Variants in CSMD1 observed in about 807,000 individuals in gnomAD.
CSMD1 encodes the protein CUB and Sushi multiple domains 1.
A neutral mutation model predicts 417.5 loss-of-function variants in CSMD1; 213 were observed. The ratio of observed to expected loss-of-function variants is 0.51; its 90% CI spans 0.46 to 0.57. The LOEUF (loss-of-function observed/expected upper bound fraction) is 0.57. Among genes scored for constraint, CSMD1 ranks in the 20% least tolerant of loss-of-function variants. The probability of loss-of-function intolerance (pLI) is 0.00; values close to 1 mark genes in which losing one functional copy is unlikely to be tolerated. For missense variants in CSMD1, 6,923 were observed against 4,529.7 expected (o/e 1.53, Z -15.17); for synonymous variants, 2,862 against 1,736.8 (o/e 1.65, Z -16.11).
rs1424609687 is a variant in CSMD1 at position 3,359,192 on chromosome 8, C to G, written c.3264G>C (p.Gly1088=). 4 of 1,613,816 alleles carry G rather than the reference C, an allele frequency of 2.5e-6. No homozygotes were observed. Among genetic ancestry groups the G allele is most frequent in the African/African-American group, 1.3e-5 (1 of 74,872 alleles). Residue 1088 remains glycine (G), a synonymous_variant, in exon 21 of 70, where the codon GGG becomes GGC. Transcript: ENST00000635120. The stretch of plus-strand genomic sequence containing the variant: ...GAGGTGCACTCCACACACGGCGGCC[C>G]CCACCCAGGCAGGTAAGCTTGGTGG... ...EGATKLTCLG[G]GRRVWSAPLP...
At chr8:3,439,310 T>TATA (rs1491240170) in intron 12 of CSMD1, among the ~76,000 whole-genome samples, 359 of 20,054 alleles carry the variant, frequency 0.018, 1 homozygote, top group African/African-American at 0.063. Context: ...TATATATATA[T>TATA]TTTTTTTTTT....
intron 1 of CSMD1, among the ~76,000 whole-genome samples, chr8:4,715,965 A>T (rs1230374068): frequency 6.6e-6 from 1 of 152,196 alleles, no homozygotes; most frequent in Non-Finnish European, 1.5e-5. Flanking sequence ...AATGTGTATC[A>T]GGTCCTGTGA....
chr8:2,955,136 C>G (rs117191435), intron 64 of CSMD1, among the ~76,000 whole-genome samples: 128 of 152,290 alleles, frequency 8.4e-4, no homozygotes, highest in South Asian at 2.9e-3. Context: ...GACACATAAA[C>G]TGAGGTTTTA....
intron 3 of CSMD1, among the ~76,000 whole-genome samples, chr8:4,086,453 ACT>A (rs1257628564): frequency 6.6e-6 from 1 of 152,052 alleles, no homozygotes; most frequent in Non-Finnish European, 1.5e-5. Flanking sequence ...CTATTACTAC[ACT>A]CTAATTCATT....
chr8:4,346,822 C>A (rs1305291594), intron 3 of CSMD1, among the ~76,000 whole-genome samples: 2 of 152,094 alleles, frequency 1.3e-5, no homozygotes, highest in East Asian at 3.9e-4. Context: ...TGTAGAAATC[C>A]AAGGGGATTG....
intron 5 of CSMD1, among the ~76,000 whole-genome samples, chr8:3,936,900 T>C (rs533644263): frequency 6.6e-6 from 1 of 152,278 alleles, no homozygotes; most frequent in Non-Finnish European, 1.5e-5. Flanking sequence ...GAATTCCCCA[T>C]TCCAATGATA....
chr8:3,681,195 T>C (rs892478523), intron 7 of CSMD1, among the ~76,000 whole-genome samples: 7 of 152,202 alleles, frequency 4.6e-5, no homozygotes, highest in South Asian at 4.2e-4. Flanking sequence ...CCAGGGCAAT[T>C]AGGCAGGAGA....
chr8:3,591,704 T>C (rs7838302), intron 8 of CSMD1, among the ~76,000 whole-genome samples: 58,113 of 151,936 alleles, frequency 0.38, 12,613 homozygotes, highest in African/African-American at 0.58. Flanking sequence ...GATTGATAGA[T>C]AGATAGATGA....
At chr8:4,694,855 T>C (rs78418611) in intron 1 of CSMD1, among the ~76,000 whole-genome samples, 6 of 152,256 alleles carry the variant, frequency 3.9e-5, no homozygotes, top group African/African-American at 1.2e-4. Flanking sequence ...TCTCGTTTCA[T>C]AGCTCTCAGC....
intron 1 of CSMD1, among the ~76,000 whole-genome samples, chr8:4,882,664 C>A (rs906577301): frequency 2.0e-5 from 3 of 151,910 alleles, no homozygotes; most frequent in Admixed American, 6.6e-5. Context: ...GTTGTAGACT[C>A]TTCAAATTAT....
chr8:3,909,944 T>C (rs1008951647), intron 5 of CSMD1, among the ~76,000 whole-genome samples: 2 of 151,950 alleles, frequency 1.3e-5, no homozygotes, highest in Non-Finnish European at 1.5e-5. Flanking sequence ...GAAGAAAAAA[T>C]GGCTTTTTGA....
chr8:3,438,783 A>G (rs1003949553), intron 12 of CSMD1, among the ~76,000 whole-genome samples: 1 of 152,072 alleles, frequency 6.6e-6, no homozygotes, highest in East Asian at 1.9e-4. Flanking sequence ...TTGGAAGTGC[A>G]ATTGTCGGGT....
chr8:3,981,192 A>G (rs1476560646), intron 5 of CSMD1, among the ~76,000 whole-genome samples: 1 of 152,206 alleles, frequency 6.6e-6, no homozygotes, highest in African/African-American at 2.4e-5. Context: ...GTATCTCCAT[A>G]GTTTTCTTCA....
At chr8:4,716,902 A>C (rs892288874) in intron 1 of CSMD1, among the ~76,000 whole-genome samples, 1 of 152,140 alleles carries the variant, frequency 6.6e-6, no homozygotes, top group South Asian at 2.1e-4. Flanking sequence ...TTAAGCAAAA[A>C]AATCATATCT....
rs537907689 is a variant in CSMD1 at position 3,914,386 on chromosome 8, T to A, written c.818+83517A>T. Among the ~76,000 whole-genome samples, 5 of 152,266 alleles carry A rather than the reference T, an allele frequency of 3.3e-5. No homozygotes were observed. In the South Asian group the frequency reaches 1.0e-3, roughly 32 times the overall value. ...TTGGATAGATGTAAAAACATACGGG[T>A]ACAGATAAAGATGTTTGGTGCAAGA... On this transcript the variant is annotated intron_variant, in intron 5 of 69. Coordinates refer to ENST00000635120, the MANE Select transcript of CSMD1 (RefSeq NM_033225.6).
At position 3,638,737 on chromosome 8, in the gene CSMD1, G is replaced by A. The variant is rs1585001305; in HGVS notation, c.1010-21940C>T. 2.0e-5 allele frequency among the ~76,000 whole-genome samples: 3 copies of A among 152,250 alleles called. No homozygotes were observed. In the South Asian group the frequency reaches 6.2e-4, roughly 32 times the overall value. On this transcript the variant is annotated intron_variant, in intron 7 of 69. Transcript: ENST00000635120. Reference sequence around the variant, plus strand: ...TGGTCAGAATACAGAATGTAGCTGTGAACTCAAAGGACCCACAGACCAAAC... The same window carrying A: ...TGGTCAGAATACAGAATGTAGCTGTAAACTCAAAGGACCCACAGACCAAAC...
At chr8:4,791,845 AC>A (rs1401507271) in intron 1 of CSMD1, among the ~76,000 whole-genome samples, 2 of 152,108 alleles carry the variant, frequency 1.3e-5, no homozygotes, top group African/African-American at 4.8e-5. Context: ...CAACAGATAT[AC>A]TTTTTTTCAA....
intron 1 of CSMD1, among the ~76,000 whole-genome samples, chr8:4,862,528 A>G (rs563502870): frequency 6.8e-4 from 104 of 152,232 alleles, no homozygotes; most frequent in South Asian, 1.0e-3. Context: ...TGGACGAAGA[A>G]GAGTAGTGGA....
chr8:4,628,126 T>C (rs1563347933), intron 2 of CSMD1, among the ~76,000 whole-genome samples: 1 of 149,448 alleles, frequency 6.7e-6, no homozygotes, highest in African/African-American at 2.5e-5. Flanking sequence ...TGTGTGTGTA[T>C]ATATATATAT....
Sources: allele counts gnomAD v4.1 joint callset (sites outside exome capture counted in the v4.1 genomes callset), GRCh38; gene constraint gnomAD v4.1.1; transcripts MANE v1.5; gene names NCBI Gene and HGNC (gene_info 2026-07-23, HGNC 2026-07-21).